Variants in MYO9B observed in about 807,000 individuals in gnomAD.
MYO9B encodes unconventional myosin-IXb.
A neutral mutation model predicts 229.5 loss-of-function variants in MYO9B; 71 were observed. That is an observed-to-expected ratio of 0.31 (90% confidence interval 0.26 to 0.38). MYO9B has a LOEUF of 0.38. MYO9B is among the 10% of genes least tolerant of loss of function. The probability of loss-of-function intolerance (pLI) is 1.00; values close to 1 mark genes in which losing one functional copy is unlikely to be tolerated. For synonymous variants in MYO9B, 1,185 were observed against 1,235.8 expected, an observed-to-expected ratio of 0.96 and a Z score of 0.86; for missense variants, 2,255 against 2,920.5, an observed-to-expected ratio of 0.77 and a Z score of 5.25.
intron 1 of MYO9B, among the ~76,000 whole-genome samples, chr19:17,082,354 G>C (rs1163311044): frequency 6.6e-6 from 1 of 152,184 alleles, no homozygotes; most frequent in Admixed American, 6.5e-5. Context: ...TCCCCAGTCA[G>C]CCGTGCCCTG....
At chr19:17,169,476 A>G (rs1418749664) in intron 11 of MYO9B, among the ~76,000 whole-genome samples, 2 of 151,756 alleles carry the variant, frequency 1.3e-5, no homozygotes, top group African/African-American at 4.8e-5. Context: ...AAAATTAGCC[A>G]GGCATGGTGG....
intron 26 of MYO9B, among the ~76,000 whole-genome samples, chr19:17,201,589 G>A (rs951177055): frequency 6.6e-5 from 10 of 152,138 alleles, no homozygotes; most frequent in South Asian, 2.1e-4. Flanking sequence ...GATTCTGTCC[G>A]CCAGGGAACA....
chr19:17,144,968 T>TA (rs2072389120), intron 2 of MYO9B, among the ~76,000 whole-genome samples: 1 of 79,488 alleles, frequency 1.3e-5, no homozygotes, highest in Non-Finnish European at 2.3e-5. Flanking sequence ...AGACTTCATC[T>TA]CAAAAAAAAA....
chr19:17,145,251 A>G, intron 2 of MYO9B, 146 bp from the exon 3 acceptor site: 1 of 746,170 alleles, frequency 1.3e-6, no homozygotes, highest in East Asian at 2.8e-5. Context: ...ACTCCAGCCC[A>G]GGTGACAGAA....
chr19:17,108,924 G>T (rs1318706932), intron 2 of MYO9B, among the ~76,000 whole-genome samples: 1 of 151,924 alleles, frequency 6.6e-6, no homozygotes, highest in Non-Finnish European at 1.5e-5. Context: ...TAGTGGCCAG[G>T]CTGGTCTCAA....
chr19:17,185,560 C>CAA (rs201803773), intron 17 of MYO9B, among the ~76,000 whole-genome samples: 5,368 of 148,052 alleles, frequency 0.036, 165 homozygotes, highest in Middle Eastern at 0.059. Flanking sequence ...AAAAAAAAAA[C>CAA]AAAACAAAAC....
intron 1 of MYO9B, among the ~76,000 whole-genome samples, chr19:17,082,203 G>C (rs2057539828): frequency 6.6e-6 from 1 of 152,202 alleles, no homozygotes; most frequent in African/African-American, 2.4e-5. Context: ...CTGTTCAGAT[G>C]TTCAGCCAGG....
chr19:17,208,616 A>G (rs1246061166), intron 35 of MYO9B, among the ~76,000 whole-genome samples: 3 of 151,958 alleles, frequency 2.0e-5, no homozygotes, highest in African/African-American at 7.2e-5. Flanking sequence ...TATTTTTAGT[A>G]GAGACGAGGT....
rs759979933 is a variant in MYO9B, at chr19:17,197,779, T to C, written c.4047-13T>C. The C allele has an allele frequency of 3.1e-6, 5 of 1,613,692 alleles. No homozygotes were observed. In the Admixed American group the frequency reaches 5.0e-5, roughly 16 times the overall value. On this transcript the variant is annotated splice_polypyrimidine_tract_variant and intron_variant, in intron 22 of 39. Coordinates refer to ENST00000682292, the MANE Select transcript of MYO9B (RefSeq NM_004145.4). ...CTCTAGTCAGTAAAAGCCATGTTTC[T>C]GTGATCTCGCAGGGAGAGGCGCACC...
chr19:17,172,509 C>T lies in MYO9B; in HGVS notation c.1935+32C>T. On this transcript the variant is annotated intron_variant, in intron 12 of 39. Transcript: ENST00000682292. This position sits in a 1 kb window ranked among gnomAD's most constrained non-coding sequence, Gnocchi z 8.2. Reference sequence around the variant, plus strand: ...GTCTGCCCATCACCACTGGTGGAAGCCTGAGGGAAGCCACAGTCAGCCCAG... The same window carrying T: ...GTCTGCCCATCACCACTGGTGGAAGTCTGAGGGAAGCCACAGTCAGCCCAG... 1 of 1,609,812 alleles carries T rather than the reference C, an allele frequency of 6.2e-7. No homozygotes were observed. The highest frequency in any genetic ancestry group is 1.1e-5 in the South Asian group (1 of 90,340).
chr19:17,163,131 A>G lies in MYO9B; in HGVS notation c.1671+9A>G. The G allele has an allele frequency of 6.5e-7, 1 of 1,548,690 alleles. No homozygotes were observed. The highest frequency in any genetic ancestry group is 8.7e-7 in the Non-Finnish European group (1 of 1,146,064). ...TCTTCAAGCTGGAGCAGGTGCGGAA[A>G]GGGCTTTTTTGTCAATTTTTTGAAC... On this transcript the variant is annotated intron_variant, in intron 10 of 39. Coordinates refer to ENST00000682292, the MANE Select transcript of MYO9B (RefSeq NM_004145.4).
At chr19:17,161,858 G>A (rs1280431340) in intron 8 of MYO9B, among the ~76,000 whole-genome samples, 1 of 151,690 alleles carries the variant, frequency 6.6e-6, no homozygotes, top group African/African-American at 2.4e-5. Flanking sequence ...GTGTGGTGTT[G>A]TGCGCCATAG....
At chr19:17,109,872 G>A (rs2057830466) in intron 2 of MYO9B, among the ~76,000 whole-genome samples, 1 of 152,166 alleles carries the variant, frequency 6.6e-6, no homozygotes, top group Admixed American at 6.5e-5. Context: ...TCCAGATAAA[G>A]CCACAGTCAC....
At position 17,212,010 on chromosome 19, in the gene MYO9B, C is replaced by A; in HGVS notation, c.6174C>A (p.Thr2058=). Reference sequence around the variant, plus strand: ...CCTTCGTAACGGTCAGAGTGAAGACCCCCCGGCGGACCCCCATCATGCCCA... The same window carrying A: ...CCTTCGTAACGGTCAGAGTGAAGACACCCCGGCGGACCCCCATCATGCCCA... The part of the protein sequence containing the change: ...PSSFVTVRVK[T]PRRTPIMPTA... Residue 2058 remains threonine, a synonymous_variant, in exon 40 of 40, where the codon ACC becomes ACA. Coordinates refer to ENST00000682292, the MANE Select transcript of MYO9B (RefSeq NM_004145.4). The surrounding 1 kb of genome is among the most constrained non-coding windows in gnomAD (Gnocchi z 5.4). 6.2e-7 allele frequency: 1 copy of A among 1,608,542 alleles called. No individual in the cohort carries two copies.
intron 24 of MYO9B, among the ~76,000 whole-genome samples, chr19:17,199,403 T>C (rs541348853): frequency 3.5e-4 from 53 of 151,558 alleles, no homozygotes; most frequent in African/African-American, 1.2e-3. Flanking sequence ...GAAAATGGAG[T>C]CCCCCTGTGG....
At chr19:17,119,296 A>G (rs1238627663) in intron 2 of MYO9B, among the ~76,000 whole-genome samples, 1 of 152,222 alleles carries the variant, frequency 6.6e-6, no homozygotes, top group Non-Finnish European at 1.5e-5. Context: ...GCACAGATCC[A>G]GGATGACGGG....
Position 17,194,805 on chromosome 19 carries a change from T to A in MYO9B, c.3378T>A (p.Thr1126=), listed in dbSNP as rs1184353270. Residue 1126 remains threonine, a synonymous_variant, in exon 22 of 40, where the codon ACT becomes ACA. Coordinates refer to ENST00000682292, the MANE Select transcript of MYO9B (RefSeq NM_004145.4). ...AGGAGGCCCCAAGCCCAGAGAAGAC[T>A]CTCCCACCCCAGAAAACCGTGGCGG... is the stretch of plus-strand genomic sequence containing the variant. The part of the protein sequence containing the change: ...PEKEAPSPEK[T]LPPQKTVAAE... 3.1e-6 allele frequency: 5 copies of A among 1,612,912 alleles called. No homozygotes were observed. The South Asian group carries it at 3.3e-5, about 11-fold the overall frequency.
At chr19:17,211,625 A>C (rs1442182773) in intron 38 of MYO9B, 22 bp from the exon 39 acceptor site, 1 of 1,573,500 alleles carries the variant, frequency 6.4e-7, no homozygotes, top group East Asian at 2.3e-5. Context: ...GGCCTTGGAC[A>C]CCACTACCCT....
At chr19:17,080,429 A>T (rs1299798862) in intron 1 of MYO9B, among the ~76,000 whole-genome samples, 1 of 152,118 alleles carries the variant, frequency 6.6e-6, no homozygotes, top group African/African-American at 2.4e-5. Context: ...CTGTTGGCTC[A>T]TACATAGCCG....
Sources: gnomAD v4.1 joint callset for allele counts (sites outside exome capture counted in the v4.1 genomes callset) on GRCh38, gnomAD v4.1.1 for gene constraint, Gnocchi (gnomAD v3.1) non-coding constraint, MANE v1.5 for transcripts, NCBI Gene and HGNC (gene_info 2026-07-23, HGNC 2026-07-21) for gene names.